SEL1L2: variants seen among roughly 807,000 people sequenced by gnomAD.
The protein encoded by SEL1L2 is protein sel-1 homolog 2.
SEL1L2 carries 89 observed loss-of-function variants against 98.8 expected under a neutral mutation model. The ratio of observed to expected loss-of-function variants is 0.90; its 90% CI spans 0.76 to 1.07. The LOEUF (loss-of-function observed/expected upper bound fraction) is 1.07, where lower values mean the gene tolerates loss of function less well. SEL1L2 is among the 50% of genes least tolerant of loss of function. The pLI is 0.00. For missense variants in SEL1L2, 788 were observed against 812.0 expected, an observed-to-expected ratio of 0.97 and a Z score of 0.36; for synonymous variants, 262 against 278.5, an observed-to-expected ratio of 0.94 and a Z score of 0.59.
At chr20:13,853,226 T>A (rs1988564185) in intron 18 of SEL1L2, among the ~76,000 whole-genome samples, 1 of 151,944 alleles carries the variant, frequency 6.6e-6, no homozygotes, top group Non-Finnish European at 1.5e-5. Flanking sequence ...GAAAACAGGG[T>A]CTCACCATGT....
intron 1 of SEL1L2, among the ~76,000 whole-genome samples, chr20:13,964,019 G>A (rs1009276335): frequency 1.3e-5 from 2 of 151,872 alleles, no homozygotes; most frequent in African/African-American, 2.4e-5. Flanking sequence ...TTACAGGCAC[G>A]TGCCACCACT....
intron 2 of SEL1L2, among the ~76,000 whole-genome samples, chr20:13,954,727 A>G (rs1423598629): frequency 1.3e-5 from 2 of 152,088 alleles, no homozygotes; most frequent in African/African-American, 4.8e-5. Flanking sequence ...CCTTGTTCTC[A>G]AGCAGTAAGA....
chr20:13,888,032 C>T (rs577604203), intron 6 of SEL1L2, 31 bp from the exon 7 acceptor site: 1 of 1,595,122 alleles, frequency 6.3e-7, no homozygotes, highest in South Asian at 1.1e-5. Flanking sequence ...CAAAAAACCC[C>T]CCAAACCAGG....
intron 2 of SEL1L2, among the ~76,000 whole-genome samples, chr20:13,946,097 T>A (rs569202596): frequency 6.6e-6 from 1 of 152,278 alleles, no homozygotes; most frequent in East Asian, 1.9e-4. Context: ...CTGCTTTCAT[T>A]CAACATAGTA....
At chr20:13,891,404 C>G (rs1305600735) in intron 5 of SEL1L2, among the ~76,000 whole-genome samples, 1 of 152,118 alleles carries the variant, frequency 6.6e-6, no homozygotes, top group Admixed American at 6.5e-5. Flanking sequence ...CGCAGTGGTG[C>G]ACACCTGTAA....
chr20:13,915,186 G>A (rs1445140722), intron 4 of SEL1L2: 4 of 1,289,500 alleles, frequency 3.1e-6, no homozygotes, highest in East Asian at 5.5e-5. Flanking sequence ...CTGGAGCAGA[G>A]TAGTCCAGGC....
At chr20:13,946,377 A>G (rs898894339) in intron 2 of SEL1L2, among the ~76,000 whole-genome samples, 1 of 152,230 alleles carries the variant, frequency 6.6e-6, no homozygotes, top group African/African-American at 2.4e-5. Context: ...TGAGGAAACA[A>G]TTCCATTTAA....
At chr20:13,924,054 G>C (rs771345312) in intron 3 of SEL1L2, among the ~76,000 whole-genome samples, 1 of 152,092 alleles carries the variant, frequency 6.6e-6, no homozygotes, top group Non-Finnish European at 1.5e-5. Context: ...AACATTATGT[G>C]GTGATTCTCC....
chr20:13,938,371 G>A (rs1033856669), intron 2 of SEL1L2, among the ~76,000 whole-genome samples: 10 of 152,088 alleles, frequency 6.6e-5, no homozygotes, highest in East Asian at 1.9e-4. Context: ...AAGCCACTGC[G>A]CCTGGTCCAG....
chr20:13,885,760 G>A (rs1271680006), intron 9 of SEL1L2, among the ~76,000 whole-genome samples: 1 of 152,212 alleles, frequency 6.6e-6, no homozygotes, highest in Non-Finnish European at 1.5e-5. Flanking sequence ...TTGGGGTTGG[G>A]CGCAGTGGCT....
intron 1 of SEL1L2, among the ~76,000 whole-genome samples, chr20:13,984,594 T>G (rs773559021): frequency 1.4e-4 from 21 of 152,180 alleles, no homozygotes; most frequent in Non-Finnish European, 2.5e-4. Flanking sequence ...GTCCTACTAG[T>G]TACACTGTCA....
chr20:13,971,516 C>T (rs1425408306), intron 1 of SEL1L2, among the ~76,000 whole-genome samples: 1 of 152,186 alleles, frequency 6.6e-6, no homozygotes, highest in African/African-American at 2.4e-5. Flanking sequence ...ACCTTCACCT[C>T]CCAGGCTCAA....
At chr20:13,922,302 C>T (rs1045910434) in intron 3 of SEL1L2, among the ~76,000 whole-genome samples, 6 of 152,134 alleles carry the variant, frequency 3.9e-5, no homozygotes, top group East Asian at 3.9e-4. Flanking sequence ...CTGGAGATTG[C>T]GAGTAAACCT....
At chr20:13,949,978 A>C (rs2050191739) in intron 2 of SEL1L2, among the ~76,000 whole-genome samples, 1 of 152,206 alleles carries the variant, frequency 6.6e-6, no homozygotes, top group Non-Finnish European at 1.5e-5. Flanking sequence ...TGAATGAATG[A>C]ACTATGATTA....
At chr20:13,955,709 A>G (rs2050505829) in intron 2 of SEL1L2, among the ~76,000 whole-genome samples, 1 of 152,210 alleles carries the variant, frequency 6.6e-6, no homozygotes, top group Non-Finnish European at 1.5e-5. Flanking sequence ...CATAAGATTG[A>G]TAACGTTTAA....
chr20:13,911,774 A>G (rs955400565), intron 5 of SEL1L2, among the ~76,000 whole-genome samples: 2 of 152,140 alleles, frequency 1.3e-5, no homozygotes, highest in Non-Finnish European at 2.9e-5. Context: ...TCGTTTTTGT[A>G]AAAAAATAAT....
At chr20:13,921,363 G>T (rs1433925959) in intron 3 of SEL1L2, among the ~76,000 whole-genome samples, 2 of 152,120 alleles carry the variant, frequency 1.3e-5, no homozygotes, top group Non-Finnish European at 2.9e-5. Context: ...GTAGAGATGT[G>T]GTTTCACCAT....
At chr20:13,935,977 G>C (rs542280177) in intron 2 of SEL1L2, among the ~76,000 whole-genome samples, 3 of 152,152 alleles carry the variant, frequency 2.0e-5, no homozygotes, top group African/African-American at 7.2e-5. Context: ...GGCTTATCAT[G>C]TGAATTTTAG....
chr20:13,924,272 G>GT (rs989442468), intron 3 of SEL1L2, among the ~76,000 whole-genome samples: 13 of 140,696 alleles, frequency 9.2e-5, no homozygotes, highest in South Asian at 4.9e-4. Context: ...CTTCAACTTG[G>GT]TTTTTTTTTG....
Sources: gnomAD v4.1 joint callset for allele counts (sites outside exome capture counted in the v4.1 genomes callset) on GRCh38, gnomAD v4.1.1 for gene constraint, MANE v1.5 for transcripts, NCBI Gene and HGNC (gene_info 2026-07-23, HGNC 2026-07-21) for gene names.